The following STX12 variants were observed in gnomAD, a reference collection of about 807,000 sequenced individuals.
STX12 encodes the protein syntaxin 12.
Under a neutral mutation model 42.2 loss-of-function variants are expected in STX12, and 17 were observed. The observed-to-expected ratio is 0.40, with a 90% CI of 0.28 to 0.60. The LOEUF (loss-of-function observed/expected upper bound fraction) is 0.60. STX12 is among the 20% of genes least tolerant of loss of function. The pLI is 0.39. For missense variants in STX12, 297 were observed against 330.9 expected (o/e 0.90, Z 0.79); for synonymous variants, 108 against 116.7 (o/e 0.93, Z 0.48).
intron 3 of STX12, among the ~76,000 whole-genome samples, chr1:27,799,199 ATC>A (rs2148602733): frequency 6.6e-6 from 1 of 152,220 alleles, no homozygotes; most frequent in Non-Finnish European, 1.5e-5. Context: ...TCTTGACTTT[ATC>A]TCTCTTTCCC....
rs911564361 is a variant in STX12 at position 27,822,642 on chromosome 1, C to T, written c.*313C>T. The T allele has an allele frequency of 2.8e-5, 7 of 249,608 alleles. No individual in the cohort carries two copies. The highest frequency in any genetic ancestry group is 4.9e-5 in the Admixed American group (1 of 20,256). The allele number at this position is 249,608 out of a possible 1,614,324, so 15.5% of individuals were successfully genotyped here. ...TAGATATTCTTGTTTTGACAAATGACACTACAGTCTCGTAATATTGTCTTT... is the reference window on the plus strand; with the variant it reads ...TAGATATTCTTGTTTTGACAAATGATACTACAGTCTCGTAATATTGTCTTT... On this transcript the variant is annotated 3_prime_UTR_variant, in exon 9 of 9. Coordinates refer to ENST00000373943, the MANE Select transcript of STX12 (RefSeq NM_177424.3).
chr1:27,817,338 C>T (rs2088951013), intron 6 of STX12, among the ~76,000 whole-genome samples: 1 of 152,158 alleles, frequency 6.6e-6, no homozygotes, highest in South Asian at 2.1e-4. Flanking sequence ...AGGGCATTGT[C>T]CAGTGATGAC....
intron 2 of STX12, among the ~76,000 whole-genome samples, chr1:27,792,173 C>CT (rs2088748983): frequency 8.9e-6 from 1 of 112,028 alleles, no homozygotes; most frequent in Non-Finnish European, 1.6e-5. Flanking sequence ...TATGTATATA[C>CT]ATATATATGT....
Position 27,800,646 on chromosome 1 carries a change from AG to A in STX12, c.289-1031del, listed in dbSNP as rs2088822034. Among the ~76,000 whole-genome samples the A allele has an allele frequency of 8.5e-5, 13 of 152,062 alleles. No homozygotes were observed. The South Asian group carries it at 2.7e-3, about 32-fold the overall frequency. ...CAGGGTCAAATGATCCTCCTGCCCC[AG>A]CCTCTGAGTAGCTGATGTGTACCAC... On this transcript the variant is annotated intron_variant, in intron 3 of 8. Transcript: ENST00000373943.
chr1:27,777,042 G>A (rs2088632426), intron 1 of STX12, among the ~76,000 whole-genome samples: 1 of 152,194 alleles, frequency 6.6e-6, no homozygotes, highest in South Asian at 2.1e-4. Flanking sequence ...AGCAGAACAA[G>A]AGATAAAATC....
intron 1 of STX12, among the ~76,000 whole-genome samples, chr1:27,783,627 G>A (rs377023737): frequency 5.3e-5 from 8 of 152,118 alleles, no homozygotes; most frequent in African/African-American, 7.2e-5. Flanking sequence ...GAGCCACCAC[G>A]CCCAGCTGAG....
chr1:27,821,104 A>T (rs958680317), intron 8 of STX12, among the ~76,000 whole-genome samples: 2 of 151,552 alleles, frequency 1.3e-5, no homozygotes, highest in Non-Finnish European at 2.9e-5. Context: ...CCAGCATGGC[A>T]CATGTATACA....
At chr1:27,811,295 G>A (rs1187822907) in intron 5 of STX12, among the ~76,000 whole-genome samples, 114 of 117,124 alleles carry the variant, frequency 9.7e-4, no homozygotes, top group African/African-American at 3.6e-3. Flanking sequence ...ATGAAAGAGC[G>A]AAACTCCGTC....
intron 3 of STX12, among the ~76,000 whole-genome samples, chr1:27,794,554 A>G (rs141225850): frequency 1.6e-3 from 236 of 152,228 alleles, no homozygotes; most frequent in African/African-American, 5.2e-3. Context: ...TTAATATGCC[A>G]CATTCCTGAA....
chr1:27,796,457 C>T (rs1452722230), intron 3 of STX12, among the ~76,000 whole-genome samples: 1 of 152,100 alleles, frequency 6.6e-6, no homozygotes, highest in Non-Finnish European at 1.5e-5. Flanking sequence ...AGTCGTGGCT[C>T]GCTGTATCAC....
chr1:27,792,583 G>T (rs909608041), intron 2 of STX12, among the ~76,000 whole-genome samples: 8 of 151,718 alleles, frequency 5.3e-5, no homozygotes, highest in South Asian at 2.1e-4. Context: ...AATAATTAGT[G>T]TGGTGTGTTA....
chr1:27,782,528 G>C (rs11804224), intron 1 of STX12, among the ~76,000 whole-genome samples: 6 of 151,920 alleles, frequency 3.9e-5, no homozygotes, highest in Non-Finnish European at 7.4e-5. Flanking sequence ...TACTGTTATG[G>C]TACAGTGGCT....
chr1:27,801,363 C>T (rs1402308609), intron 3 of STX12, among the ~76,000 whole-genome samples: 3 of 151,400 alleles, frequency 2.0e-5, no homozygotes, highest in Admixed American at 6.6e-5. Flanking sequence ...GAGATCATGC[C>T]ACTGCGCTCC....
intron 1 of STX12, among the ~76,000 whole-genome samples, chr1:27,781,626 T>A (rs2088668838): frequency 6.6e-6 from 1 of 152,164 alleles, no homozygotes; most frequent in Non-Finnish European, 1.5e-5. Flanking sequence ...TTTGGTGTAT[T>A]TCCTTTGAAT....
intron 6 of STX12, among the ~76,000 whole-genome samples, chr1:27,812,547 T>A (rs969975303): frequency 6.6e-6 from 1 of 152,066 alleles, no homozygotes; most frequent in Admixed American, 6.6e-5. Context: ...GTTCGAGCGA[T>A]TCTCCTGCCT....
At chr1:27,778,472 C>G (rs2088642372) in intron 1 of STX12, among the ~76,000 whole-genome samples, 1 of 152,122 alleles carries the variant, frequency 6.6e-6, no homozygotes, top group Non-Finnish European at 1.5e-5. Flanking sequence ...GATCGGATCA[C>G]CTGAGGTCAG....
intron 1 of STX12, among the ~76,000 whole-genome samples, chr1:27,778,719 C>T (rs1010540999): frequency 1.3e-4 from 19 of 149,758 alleles, no homozygotes; most frequent in African/African-American, 4.4e-4. Context: ...AAAAAAAGAA[C>T]AGCATTTCTG....
intron 3 of STX12, among the ~76,000 whole-genome samples, chr1:27,799,966 C>T (rs1046904076): frequency 4.1e-5 from 6 of 147,908 alleles, no homozygotes; most frequent in African/African-American, 7.6e-5. Context: ...TTGGCCAGGA[C>T]GGTCTTGAAT....
rs1449488752 is a variant in STX12 at position 27,823,093 on chromosome 1, A to G, written c.*764A>G. The stretch of plus-strand genomic sequence containing the variant: ...CCCTCTCCCACCTGTCTGCATAGAA[A>G]GGCAGAATTAGACATAGCATGCTTT... On this transcript the variant is annotated 3_prime_UTR_variant, in exon 9 of 9. Transcript: ENST00000373943. 3.9e-5 allele frequency: 6 copies of G among 152,264 alleles called. No individual in the cohort carries two copies. The allele number at this position is 152,264 out of a possible 1,614,324, so 9.4% of individuals were successfully genotyped here.
Sources: allele counts gnomAD v4.1 joint callset (sites outside exome capture counted in the v4.1 genomes callset), GRCh38; gene constraint gnomAD v4.1.1; transcripts MANE v1.5; gene names NCBI Gene and HGNC (gene_info 2026-07-23, HGNC 2026-07-21).